Variants in FHIT observed in about 807,000 individuals in gnomAD.
The protein encoded by FHIT is bis(5'-adenosyl)-triphosphatase.
A neutral mutation model predicts 17.9 loss-of-function variants in FHIT; 19 were observed. The observed-to-expected ratio is 1.06, with a 90% confidence interval of 0.74 to 1.56. The LOEUF is 1.56. Ranked by LOEUF, FHIT falls within the 40% of genes most tolerant of loss-of-function variation. The pLI, the probability that FHIT is intolerant of heterozygous loss-of-function variation, is 0.00. For missense variants in FHIT, 248 were observed against 189.2 expected (o/e 1.31, Z -1.82); for synonymous variants, 81 against 69.7 (o/e 1.16, Z -0.81).
At chr3:59,905,652 AT>A (rs1559717447) in intron 8 of FHIT, among the ~76,000 whole-genome samples, 1 of 152,180 alleles carries the variant, frequency 6.6e-6, no homozygotes, top group African/African-American at 2.4e-5. Flanking sequence ...AGACTTAAAA[AT>A]TTTTTAATTT....
intron 5 of FHIT, among the ~76,000 whole-genome samples, chr3:60,043,909 T>A (rs1334065945): frequency 6.6e-6 from 1 of 152,258 alleles, no homozygotes; most frequent in Non-Finnish European, 1.5e-5. Flanking sequence ...GTTGACTTTA[T>A]GTCTTCAAAA....
intron 5 of FHIT, among the ~76,000 whole-genome samples, chr3:60,248,004 A>C (rs1035138966): frequency 6.6e-6 from 1 of 152,160 alleles, no homozygotes; most frequent in Admixed American, 6.5e-5. Flanking sequence ...TCAAAAATGA[A>C]TATGCAAGGT....
At chr3:60,190,082 T>C (rs1337904762) in intron 5 of FHIT, among the ~76,000 whole-genome samples, 1 of 152,214 alleles carries the variant, frequency 6.6e-6, no homozygotes, top group African/African-American at 2.4e-5. Context: ...AAAAACTATT[T>C]TGAGAATTAA....
chr3:61,231,577 T>C (rs1249450390), intron 1 of FHIT, among the ~76,000 whole-genome samples: 1 of 151,990 alleles, frequency 6.6e-6, no homozygotes, highest in African/African-American at 2.4e-5. Context: ...TCAAACTCAA[T>C]AAATATAATC....
intron 5 of FHIT, among the ~76,000 whole-genome samples, chr3:60,274,733 G>C (rs17062662): frequency 0.03 from 4,531 of 152,172 alleles, 204 homozygotes; most frequent in African/African-American, 0.1. Flanking sequence ...AGTCTGTTCA[G>C]GTCTACTACA....
rs549812533 is a variant in FHIT at position 60,648,458 on chromosome 3, A to T, written c.-17-111479T>A. ...GCGTGGTACTTTATCTCCCTGGTCTAGTGTAGCAGGTGGGCAGTCTAGGAG... is the reference window on the plus strand; with the variant it reads ...GCGTGGTACTTTATCTCCCTGGTCTTGTGTAGCAGGTGGGCAGTCTAGGAG... On this transcript the variant is annotated intron_variant, in intron 4 of 9. Transcript: ENST00000492590. Among the ~76,000 whole-genome samples the T allele has an allele frequency of 1.2e-4, 19 of 152,174 alleles. No individual in the cohort carries two copies. In the Middle Eastern group the frequency reaches 0.01, roughly 82 times the overall value.
At chr3:61,200,443 T>C (rs1172100566) in intron 2 of FHIT, among the ~76,000 whole-genome samples, 174 bp downstream of exon 2, 1 of 152,244 alleles carries the variant, frequency 6.6e-6, no homozygotes, top group East Asian at 1.9e-4. Flanking sequence ...TATTTCCTCC[T>C]GCTCTCTGCT....
chr3:60,426,723 C>A (rs2107281385), intron 5 of FHIT, among the ~76,000 whole-genome samples: 1 of 152,254 alleles, frequency 6.6e-6, no homozygotes, highest in Admixed American at 6.5e-5. Flanking sequence ...TAGGCTCTGT[C>A]ATTGCCATCA....
chr3:59,754,564 C>T (rs1701104768), intron 8 of FHIT, among the ~76,000 whole-genome samples: 1 of 152,148 alleles, frequency 6.6e-6, no homozygotes, highest in South Asian at 2.1e-4. Context: ...ATATGGCCTT[C>T]CCACTTCTGC....
chr3:59,962,898 C>T (rs1458913373), intron 7 of FHIT, among the ~76,000 whole-genome samples: 2 of 152,156 alleles, frequency 1.3e-5, no homozygotes, highest in East Asian at 3.9e-4. Flanking sequence ...AAATAGTTTG[C>T]ACTTTGCATA....
At chr3:60,073,012 A>G (rs1161873803) in intron 5 of FHIT, among the ~76,000 whole-genome samples, 2 of 152,164 alleles carry the variant, frequency 1.3e-5, no homozygotes, top group Admixed American at 1.3e-4. Context: ...CTGCTTACAT[A>G]TTCATGGAAG....
At chr3:59,982,107 C>G (rs775761151) in intron 7 of FHIT, among the ~76,000 whole-genome samples, 6 of 152,196 alleles carry the variant, frequency 3.9e-5, no homozygotes, top group Admixed American at 3.9e-4. Context: ...TCAAACAGAG[C>G]TCTTCGCGTT....
intron 5 of FHIT, among the ~76,000 whole-genome samples, chr3:60,162,473 C>T (rs1168620149): frequency 6.6e-6 from 1 of 152,112 alleles, no homozygotes; most frequent in African/African-American, 2.4e-5. Flanking sequence ...TGCAGTCCAG[C>T]CTCAGTTTCC....
chr3:60,100,685 A>T (rs1378955985), intron 5 of FHIT, among the ~76,000 whole-genome samples: 1 of 152,172 alleles, frequency 6.6e-6, no homozygotes, highest in African/African-American at 2.4e-5. Context: ...TCGAGGACAA[A>T]GTTTAGCTTA....
At chr3:60,965,905 C>G (rs1382867522) in intron 3 of FHIT, among the ~76,000 whole-genome samples, 1 of 152,172 alleles carries the variant, frequency 6.6e-6, no homozygotes, top group Non-Finnish European at 1.5e-5. Context: ...CTTGAGGAGG[C>G]ATTCTGTCCG....
intron 8 of FHIT, among the ~76,000 whole-genome samples, chr3:59,819,832 A>C (rs1260953789): frequency 6.6e-6 from 1 of 152,204 alleles, no homozygotes; most frequent in Admixed American, 6.5e-5. Context: ...CCTTTGGGGA[A>C]GTGATTAAGA....
chr3:60,610,373 A>T (rs1290633034), intron 4 of FHIT, among the ~76,000 whole-genome samples: 4 of 152,222 alleles, frequency 2.6e-5, no homozygotes, highest in African/African-American at 9.6e-5. Flanking sequence ...ATACAGAAAT[A>T]GAAACAGAAC....
At chr3:59,992,164 C>T (rs1003576227) in intron 7 of FHIT, among the ~76,000 whole-genome samples, 4 of 152,038 alleles carry the variant, frequency 2.6e-5, no homozygotes, top group Admixed American at 6.6e-5. Context: ...GACTCTTTCC[C>T]CTACTACTTC....
intron 4 of FHIT, among the ~76,000 whole-genome samples, chr3:60,656,729 G>A (rs892691244): frequency 2.6e-5 from 4 of 152,088 alleles, no homozygotes; most frequent in African/African-American, 4.8e-5. Flanking sequence ...CAATTAGAAG[G>A]GTTTCCAACG....
Sources: gnomAD v4.1 joint callset for allele counts (sites outside exome capture counted in the v4.1 genomes callset) on GRCh38, gnomAD v4.1.1 for gene constraint, MANE v1.5 for transcripts, NCBI Gene and HGNC (gene_info 2026-07-23, HGNC 2026-07-21) for gene names.